Variants in WDR7 observed in about 807,000 individuals in gnomAD.
WDR7 encodes the protein WD repeat domain 7.
WDR7 carries 46 observed loss-of-function variants against 169.4 expected under a neutral mutation model. That is an observed-to-expected ratio of 0.27 (90% confidence interval 0.21 to 0.35). The LOEUF (loss-of-function observed/expected upper bound fraction) is 0.35, where lower values mean the gene tolerates loss of function less well. Ranked by LOEUF, WDR7 falls within the 10% of genes least tolerant of loss-of-function variation. The pLI is 1.00. For synonymous variants in WDR7, 612 were observed against 666.8 expected, an observed-to-expected ratio of 0.92 and a Z score of 1.27; for missense variants, 1,534 against 1,859.3, an observed-to-expected ratio of 0.83 and a Z score of 3.22.
At chr18:56,856,331 C>T (rs2045721321) in intron 20 of WDR7, among the ~76,000 whole-genome samples, 3 of 152,208 alleles carry the variant, frequency 2.0e-5, no homozygotes, top group South Asian at 4.2e-4. Context: ...GTCAGGAGTT[C>T]GAGACCAGTC....
intron 1 of WDR7, among the ~76,000 whole-genome samples, chr18:56,658,887 AT>A (rs771934996): frequency 8.1e-5 from 12 of 147,322 alleles, no homozygotes; most frequent in Admixed American, 1.4e-4. Context: ...TAATTTTTGT[AT>A]TTTTTTTTTA....
intron 21 of WDR7, among the ~76,000 whole-genome samples, chr18:56,906,020 T>C (rs1376481828): frequency 7.3e-6 from 1 of 137,038 alleles, no homozygotes; most frequent in African/African-American, 2.6e-5. Flanking sequence ...GAAGAAGGAA[T>C]GATGGAATAT....
intron 25 of WDR7, among the ~76,000 whole-genome samples, chr18:56,943,575 CTAAGAA>C (rs1230401415): frequency 1.3e-5 from 2 of 151,970 alleles, no homozygotes; most frequent in African/African-American, 4.8e-5. Flanking sequence ...ATGGATCTCT[CTAAGAA>C]TAATGTGAAA....
chr18:56,813,180 TAA>T (rs373136606), intron 19 of WDR7, among the ~76,000 whole-genome samples: 17,861 of 133,372 alleles, frequency 0.13, 1,585 homozygotes, highest in African/African-American at 0.27. Context: ...TAGAGTATAA[TAA>T]AAAAAAAAAA....
At chr18:56,653,285 C>T (rs2024695404) in intron 1 of WDR7, among the ~76,000 whole-genome samples, 1 of 152,046 alleles carries the variant, frequency 6.6e-6, no homozygotes, top group Non-Finnish European at 1.5e-5. Flanking sequence ...CAGCTCACTG[C>T]AACCTCCCCA....
Position 56,839,329 on chromosome 18 carries a change from A to T in WDR7, c.3304+23185A>T, listed in dbSNP as rs1435637983. On this transcript the variant is annotated intron_variant, in intron 20 of 27. Transcript: ENST00000254442. ...GTTACCTTCTTTAATAGTTGTCAGC[A>T]TATAGTCAGTCTTGTTTCATCTATT... is the stretch of plus-strand genomic sequence containing the variant. Among the ~76,000 whole-genome samples, 3 of 152,258 alleles carry T rather than the reference A, an allele frequency of 2.0e-5. No homozygotes were observed. In the East Asian group the frequency reaches 5.8e-4, roughly 29 times the overall value.
the WDR7 span, chr18:57,035,528 A>G: frequency 6.6e-6 from 1 of 152,214 alleles, no homozygotes; most frequent in African/African-American, 2.4e-5. Context: ...TATGCTAGGT[A>G]CCCCCAAATC....
intron 21 of WDR7, among the ~76,000 whole-genome samples, chr18:56,891,356 C>T (rs114567885): frequency 0.012 from 1,862 of 152,030 alleles, 50 homozygotes; most frequent in African/African-American, 0.043. Context: ...CTTTGTGGCT[C>T]GATTTCCTTA....
At chr18:56,853,855 A>G (rs2045677759) in intron 20 of WDR7, among the ~76,000 whole-genome samples, 1 of 152,208 alleles carries the variant, frequency 6.6e-6, no homozygotes, top group Non-Finnish European at 1.5e-5. Flanking sequence ...ACAAAGATTC[A>G]TTAGTTTTGT....
chr18:56,996,908 A>G (rs2047906451), intron 26 of WDR7, among the ~76,000 whole-genome samples: 1 of 152,200 alleles, frequency 6.6e-6, no homozygotes, highest in African/African-American at 2.4e-5. Flanking sequence ...GAGTAGAAAA[A>G]CGCACATGAT....
chr18:56,867,011 T>A (rs117651383), intron 20 of WDR7, among the ~76,000 whole-genome samples: 2,494 of 120,438 alleles, frequency 0.021, 28 homozygotes, highest in Non-Finnish European at 0.027. Context: ...ATTTACTTAC[T>A]TATTTATTTA....
chr18:56,787,101 A>G (rs183923706), intron 19 of WDR7, among the ~76,000 whole-genome samples: 280 of 152,184 alleles, frequency 1.8e-3, no homozygotes, highest in Non-Finnish European at 3.5e-3. Context: ...CTTATTTGTG[A>G]TATTCTACTT....
At chr18:56,662,701 AC>A (rs1568123924) in intron 1 of WDR7, among the ~76,000 whole-genome samples, 1 of 152,208 alleles carries the variant, frequency 6.6e-6, no homozygotes, top group Non-Finnish European at 1.5e-5. Flanking sequence ...TGTAGTAAAA[AC>A]AGGTGATGGA....
At chr18:56,856,662 C>A (rs1409693327) in intron 20 of WDR7, among the ~76,000 whole-genome samples, 1 of 151,798 alleles carries the variant, frequency 6.6e-6, no homozygotes, top group East Asian at 1.9e-4. Flanking sequence ...AGGCTATTAT[C>A]CTAGAGTTAC....
At chr18:56,834,690 G>A (rs2045369556) in intron 20 of WDR7, among the ~76,000 whole-genome samples, 1 of 152,056 alleles carries the variant, frequency 6.6e-6, no homozygotes, top group Admixed American at 6.6e-5. Flanking sequence ...TCTGGATGGT[G>A]TATAATTTTG....
At chr18:56,779,368 AACTGTTG>A (rs2044285695) in intron 17 of WDR7, 56 bp from the exon 18 acceptor site, 4 of 1,307,542 alleles carry the variant, frequency 3.1e-6, no homozygotes, top group Non-Finnish European at 4.2e-6. Flanking sequence ...TTACATAAAG[AACTGTTG>A]ACTTAGGGAA....
At chr18:56,921,053 T>C (rs2145634154) in intron 21 of WDR7, among the ~76,000 whole-genome samples, 1 of 152,332 alleles carries the variant, frequency 6.6e-6, no homozygotes, top group Non-Finnish European at 1.5e-5. Context: ...GATTAAGAAG[T>C]TTGAAGTCTT....
chr18:56,844,268 T>C (rs2045534080), intron 20 of WDR7, among the ~76,000 whole-genome samples: 1 of 152,160 alleles, frequency 6.6e-6, no homozygotes, highest in Admixed American at 6.5e-5. Flanking sequence ...TTAGTGATGC[T>C]GAGGCAAAAG....
chr18:56,664,549 A>T (rs2024977661), intron 1 of WDR7, among the ~76,000 whole-genome samples: 1 of 150,046 alleles, frequency 6.7e-6, no homozygotes, highest in Non-Finnish European at 1.5e-5. Context: ...TTTTTTTAAG[A>T]GACATTTTTC....
Sources: gnomAD v4.1 joint callset for allele counts (sites outside exome capture counted in the v4.1 genomes callset) on GRCh38, gnomAD v4.1.1 for gene constraint, MANE v1.5 for transcripts, NCBI Gene and HGNC (gene_info 2026-07-23, HGNC 2026-07-21) for gene names.